Variants in PARPBP observed in about 807,000 individuals in gnomAD.
The protein encoded by PARPBP is PARP1 binding protein.
PARPBP carries 52 observed loss-of-function variants against 50.0 expected under a neutral mutation model. The observed-to-expected ratio is 1.04, with a 90% CI of 0.83 to 1.31. The LOEUF (loss-of-function observed/expected upper bound fraction) is 1.31. Ranked by LOEUF, PARPBP falls within the 50% of genes most tolerant of loss-of-function variation. The pLI, the probability that PARPBP is intolerant of heterozygous loss-of-function variation, is 0.00. For synonymous variants in PARPBP, 244 were observed against 232.1 expected, an observed-to-expected ratio of 1.05 and a Z score of -0.47; for missense variants, 697 against 672.0, an observed-to-expected ratio of 1.04 and a Z score of -0.41.
chr12:102,149,356 G>GAT (rs1420883713), intron 3 of PARPBP, among the ~76,000 whole-genome samples: 2 of 152,156 alleles, frequency 1.3e-5, no homozygotes, highest in Admixed American at 6.5e-5. Context: ...AGACTGATAT[G>GAT]ATAGCTCCAT....
At chr12:102,161,074 A>G (rs1389761877) in intron 4 of PARPBP, among the ~76,000 whole-genome samples, 1 of 151,810 alleles carries the variant, frequency 6.6e-6, no homozygotes, top group Admixed American at 6.6e-5. Context: ...GTAAGGCACC[A>G]TAATAAAAAA....
At chr12:102,173,883 G>T (rs1182524472) in intron 6 of PARPBP, among the ~76,000 whole-genome samples, 1 of 146,766 alleles carries the variant, frequency 6.8e-6, no homozygotes, top group East Asian at 2.0e-4. Flanking sequence ...GGAGATTTTT[G>T]TCTCTTCGGT....
chr12:102,178,552 G>A, intron 7 of PARPBP, 40 bp from the exon 8 acceptor site: 2 of 1,385,084 alleles, frequency 1.4e-6, no homozygotes, highest in Non-Finnish European at 2.0e-6. Flanking sequence ...ACCCAGCTGG[G>A]GTGATTATTA....
Position 102,120,242 on chromosome 12 carries a change from C to T in PARPBP, c.-48C>T, listed in dbSNP as rs892116225. The stretch of plus-strand genomic sequence containing the variant: ...GCGGGAGGGCATCCCGTTGGGGATC[C>T]TTCCGCACACTGAAGAGTACGTCTT... On this transcript the variant is annotated 5_prime_UTR_variant, in exon 1 of 11. Transcript: ENST00000327680. 4.2e-6 allele frequency: 1 copy of T among 240,944 alleles called. No homozygotes were observed. The highest frequency in any genetic ancestry group is 2.3e-5 in the African/African-American group (1 of 43,140). 14.9% of individuals were successfully genotyped at this position (240,944 alleles called of 1,614,324 possible). A position where few individuals can be genotyped will look rare whatever the true frequency, so the allele number is the denominator to read the frequency against.
rs760487298 is a variant in PARPBP at position 102,148,417 on chromosome 12, G to A, written c.341G>A (p.Cys114Tyr). 2.6e-6 allele frequency: 4 copies of A among 1,547,546 alleles called. No individual in the cohort carries two copies. Among genetic ancestry groups the A allele is most frequent in the Non-Finnish European group, 1.8e-6 (2 of 1,121,862 alleles). The change falls in exon 3 of 11, where the codon TGT (cysteine) becomes TAT (tyrosine). Residue 114 changes from cysteine to tyrosine, a missense_variant. By Grantham distance (194) the Cys-to-Tyr change is radical. Coordinates refer to ENST00000327680, the MANE Select transcript of PARPBP (RefSeq NM_017915.5). The stretch of plus-strand genomic sequence containing the variant: ...GATCTGATTGATGTTTATCAAAAAT[G>A]TAGGGCTTTGACTTCTAATTGTGAA... ...MLDLIDVYQK[C>Y]RALTSNCENY...
At chr12:102,129,327 G>C (rs1445659596) in intron 2 of PARPBP, among the ~76,000 whole-genome samples, 2 of 151,600 alleles carry the variant, frequency 1.3e-5, no homozygotes, top group East Asian at 1.9e-4. Flanking sequence ...TTTTCTTATT[G>C]AGTTTCTTAT....
Position 102,196,287 on chromosome 12 carries a change from T to C in PARPBP, c.1736T>C (p.Leu579Pro). 3 of 1,567,492 alleles carry C rather than the reference T, an allele frequency of 1.9e-6. No individual in the cohort carries two copies. Among genetic ancestry groups the C allele is most frequent in the Non-Finnish European group, 2.6e-6 (3 of 1,158,424 alleles). Residue 579 changes from leucine (L) to proline (P), a missense_variant, in exon 11 of 11, where the codon CTA (leucine) becomes CCA (proline). Leu to Pro is a moderately conservative substitution (Grantham distance 98). Coordinates refer to ENST00000327680, the MANE Select transcript of PARPBP (RefSeq NM_017915.5). ...GQAKLTQFFRL is the reference protein window; with the variant it reads ...GQAKLTQFFRP ...GCAAAGTTAACTCAGTTTTTTAGAC[T>C]ATAAATTTGTGTCTTATATGCTTTA...
intron 9 of PARPBP, among the ~76,000 whole-genome samples, chr12:102,193,637 A>G (rs777405159): frequency 1.3e-5 from 2 of 152,102 alleles, no homozygotes; most frequent in Non-Finnish European, 2.9e-5. Flanking sequence ...ATAAAAGTTC[A>G]TGGATAATGC....
chr12:102,137,019 A>G (rs1883740722), intron 2 of PARPBP, among the ~76,000 whole-genome samples: 1 of 152,020 alleles, frequency 6.6e-6, no homozygotes, highest in Non-Finnish European at 1.5e-5. Flanking sequence ...CAGTGGCACA[A>G]TCTCCGCTCA....
Position 102,196,137 on chromosome 12 carries a change from C to G in PARPBP, c.1586C>G (p.Pro529Arg), listed in dbSNP as rs772090279. 5 of 1,611,728 alleles carry G rather than the reference C, an allele frequency of 3.1e-6. No homozygotes were observed. The African/African-American group carries it at 6.7e-5, about 22-fold the overall frequency. ...NILCDNRNEP[P>R]QHKNAKIPKK... ...CTCTGTGATAATAGAAATGAACCACCTCAACATAAAAATGCTAAAATACCT... is the reference window on the plus strand; with the variant it reads ...CTCTGTGATAATAGAAATGAACCACGTCAACATAAAAATGCTAAAATACCT... Residue 529 changes from proline to arginine, a missense_variant, in exon 11 of 11, where the codon CCT becomes CGT. Pro to Arg is a moderately radical substitution (Grantham distance 103). Transcript: ENST00000327680.
At chr12:102,128,669 A>G (rs1882389483) in intron 2 of PARPBP, among the ~76,000 whole-genome samples, 1 of 152,140 alleles carries the variant, frequency 6.6e-6, no homozygotes, top group Non-Finnish European at 1.5e-5. Flanking sequence ...TCTCTCTTTT[A>G]TGGGGCTGAA....
intron 2 of PARPBP, among the ~76,000 whole-genome samples, chr12:102,142,947 A>G (rs904058427): frequency 6.6e-6 from 1 of 152,212 alleles, no homozygotes; most frequent in Middle Eastern, 3.2e-3. Context: ...TCAGGGACCT[A>G]CTTGAGGAGG....
intron 9 of PARPBP, among the ~76,000 whole-genome samples, chr12:102,189,475 T>A (rs565208749): frequency 1.4e-3 from 217 of 152,342 alleles, no homozygotes; most frequent in Admixed American, 1.9e-3. Flanking sequence ...AACGGGGTTT[T>A]AAATTTTATT....
At chr12:102,150,180 T>C (rs1228965869) in intron 3 of PARPBP, 3 of 451,814 alleles carry the variant, frequency 6.6e-6, no homozygotes, top group Non-Finnish European at 1.3e-5. Context: ...GCTGCTAAGA[T>C]GGTAGTACAT....
chr12:102,178,585 G>A lies in PARPBP; in HGVS notation c.1006-7G>A. 6.4e-7 allele frequency: 1 copy of A among 1,550,752 alleles called. No homozygotes were observed. Among genetic ancestry groups the A allele is most frequent in the East Asian group, 2.3e-5 (1 of 43,368 alleles). Reference sequence around the variant, plus strand: ...TTACATTTACCTAAAATTATTTTTTGTCTCAGCCAAAATCTCATGCCATAA... The same window carrying A: ...TTACATTTACCTAAAATTATTTTTTATCTCAGCCAAAATCTCATGCCATAA... On this transcript the variant is annotated splice_region_variant and splice_polypyrimidine_tract_variant and intron_variant, in intron 7 of 10. Coordinates refer to ENST00000327680, the MANE Select transcript of PARPBP (RefSeq NM_017915.5).
At position 102,196,221 on chromosome 12, in the gene PARPBP, G is replaced by T. The variant is rs956727095; in HGVS notation, c.1670G>T (p.Ser557Ile). ...LYGKLAKVAK[S>I]NKCTAKDKLI... ...GGCAAACTAGCTAAAGTAGCAAAAA[G>T]TAATAAATGTACTGCCAAGGACAAG... Residue 557 changes from serine to isoleucine, a missense_variant, in exon 11 of 11, where the codon AGT becomes ATT. Ser to Ile is a moderately radical substitution (Grantham distance 142). Coordinates refer to ENST00000327680, the MANE Select transcript of PARPBP (RefSeq NM_017915.5). 1.9e-6 allele frequency: 3 copies of T among 1,610,570 alleles called. No homozygotes were observed. In the African/African-American group the frequency reaches 4.0e-5, roughly 22 times the overall value.
At chr12:102,159,754 A>G (rs1343563544) in intron 4 of PARPBP, among the ~76,000 whole-genome samples, 2 of 152,128 alleles carry the variant, frequency 1.3e-5, no homozygotes, top group Non-Finnish European at 2.9e-5. Flanking sequence ...GTCAGTATAT[A>G]TAAGCATTTA....
At chr12:102,151,846 A>C in intron 3 of PARPBP, 1 of 1,359,898 alleles carries the variant, frequency 7.4e-7, no homozygotes, top group Non-Finnish European at 1.0e-6. Flanking sequence ...TGAAGAAGCC[A>C]CCTGGCACCA....
chr12:102,178,491 C>A (rs1431855678), intron 7 of PARPBP, 101 bp from the exon 8 acceptor site: 2 of 618,782 alleles, frequency 3.2e-6, no homozygotes, highest in South Asian at 7.5e-5. Context: ...ATTACTTTAA[C>A]AATAGATGAA....
Sources: gnomAD v4.1 joint callset for allele counts (sites outside exome capture counted in the v4.1 genomes callset) on GRCh38, gnomAD v4.1.1 for gene constraint, MANE v1.5 for transcripts, NCBI Gene and HGNC (gene_info 2026-07-23, HGNC 2026-07-21) for gene names.